Variants in CORIN observed in about 807,000 individuals in gnomAD.
CORIN encodes the protein corin, serine peptidase.
In CORIN, 117 loss-of-function variants were observed where a neutral mutation model predicts 125.3. The observed-to-expected ratio is 0.93, with a 90% CI of 0.80 to 1.09. The LOEUF (loss-of-function observed/expected upper bound fraction) is 1.09, where lower values mean the gene tolerates loss of function less well. Ranked by LOEUF, CORIN falls within the 50% of genes least tolerant of loss-of-function variation. CORIN has a pLI of 0.00. For missense variants in CORIN, 1,253 were observed against 1,306.7 expected (o/e 0.96, Z 0.63); for synonymous variants, 450 against 466.4 (o/e 0.96, Z 0.45).
intron 21 of CORIN, among the ~76,000 whole-genome samples, chr4:47,598,733 T>C (rs1721341737): frequency 6.6e-6 from 1 of 152,228 alleles, no homozygotes; most frequent in Non-Finnish European, 1.5e-5. Context: ...ACCTCCTGTA[T>C]TCTTGATCTG....
chr4:47,748,084 G>A (rs565004254), intron 4 of CORIN, among the ~76,000 whole-genome samples: 2 of 152,296 alleles, frequency 1.3e-5, no homozygotes, highest in African/African-American at 4.8e-5. Context: ...GTAACCAACT[G>A]AGACCCATAA....
intron 1 of CORIN, among the ~76,000 whole-genome samples, chr4:47,822,820 C>CT (rs1359423811): frequency 0.048 from 6,825 of 142,628 alleles, 510 homozygotes; most frequent in African/African-American, 0.16. Flanking sequence ...CTTTCCATTT[C>CT]TTTTTTTTTT....
At chr4:47,770,350 A>T (rs1729967474) in intron 3 of CORIN, among the ~76,000 whole-genome samples, 1 of 152,138 alleles carries the variant, frequency 6.6e-6, no homozygotes, top group Non-Finnish European at 1.5e-5. Context: ...AACAAAAATT[A>T]AAAAATGAAA....
chr4:47,782,886 G>A (rs1440022790), intron 3 of CORIN, among the ~76,000 whole-genome samples: 1 of 151,508 alleles, frequency 6.6e-6, no homozygotes, highest in African/African-American at 2.4e-5. Context: ...TTTTGGCCAG[G>A]AGCTGAGGGA....
In CORIN at chr4:47,674,377, CA is replaced by C. The variant is rs1724914690; in HGVS notation, c.1357+15del. 3 of 1,534,294 alleles carry C rather than the reference CA, an allele frequency of 2.0e-6. No homozygotes were observed. The South Asian group carries it at 3.4e-5, about 17-fold the overall frequency. On this transcript the variant is annotated intron_variant, in intron 10 of 21. Transcript: ENST00000273857. ...GCCCTGACATGGCTATTGCATTTGT[CA>C]GCTGTTGTACTTACTACAGTTATTC...
chr4:47,703,257 C>A (rs1726392717), intron 5 of CORIN, among the ~76,000 whole-genome samples: 1 of 152,170 alleles, frequency 6.6e-6, no homozygotes, highest in South Asian at 2.1e-4. Flanking sequence ...CCGGTAGTGA[C>A]AGCACATATT....
intron 5 of CORIN, among the ~76,000 whole-genome samples, chr4:47,714,546 A>G (rs1727002893): frequency 6.6e-6 from 1 of 152,230 alleles, no homozygotes; most frequent in South Asian, 2.1e-4. Flanking sequence ...TGTCCAATTC[A>G]GAGTTAACCT....
intron 5 of CORIN, among the ~76,000 whole-genome samples, chr4:47,737,602 A>G (rs1560526594): frequency 6.6e-6 from 1 of 152,198 alleles, no homozygotes. Flanking sequence ...CCTGGATCAT[A>G]TTTCAACTCC....
chr4:47,782,605 A>G (rs1015034349), intron 3 of CORIN, among the ~76,000 whole-genome samples: 1 of 152,212 alleles, frequency 6.6e-6, no homozygotes, highest in Non-Finnish European at 1.5e-5. Flanking sequence ...TATTCACAGA[A>G]GCATTATTGA....
chr4:47,830,373 A>G (rs1732928859), intron 1 of CORIN, among the ~76,000 whole-genome samples: 1 of 152,210 alleles, frequency 6.6e-6, no homozygotes, highest in Admixed American at 6.5e-5. Flanking sequence ...AAAAGGCACC[A>G]GGTTCTGAAA....
intron 5 of CORIN, among the ~76,000 whole-genome samples, chr4:47,721,676 C>T (rs1213130540): frequency 1.3e-5 from 2 of 152,166 alleles, no homozygotes; most frequent in Non-Finnish European, 1.5e-5. Flanking sequence ...GATGCAAACA[C>T]GCAGTTCATC....
intron 1 of CORIN, among the ~76,000 whole-genome samples, chr4:47,833,059 T>C (rs1272625279): frequency 6.6e-6 from 1 of 151,856 alleles, no homozygotes; most frequent in African/African-American, 2.4e-5. Context: ...AAGTCTAGGA[T>C]GAGACTGGAT....
At chr4:47,765,313 A>C (rs6829640) in intron 3 of CORIN, among the ~76,000 whole-genome samples, 125,462 of 142,318 alleles carry the variant, frequency 0.88, 55,099 homozygotes, top group East Asian at 0.97. Flanking sequence ...TCCGTCCCCC[A>C]AAAAAAAAAA....
chr4:47,813,889 A>G (rs1732157846), intron 1 of CORIN, among the ~76,000 whole-genome samples: 1 of 152,206 alleles, frequency 6.6e-6, no homozygotes, highest in Non-Finnish European at 1.5e-5. Flanking sequence ...GAAGTTTCTG[A>G]TATTACCAAG....
At chr4:47,658,263 T>A (rs189713634) in intron 12 of CORIN, among the ~76,000 whole-genome samples, 1 of 152,212 alleles carries the variant, frequency 6.6e-6, no homozygotes, top group Non-Finnish European at 1.5e-5. Context: ...AATAATCTCC[T>A]TGGACTCCAT....
At chr4:47,683,997 C>T (rs28545806) in intron 6 of CORIN, among the ~76,000 whole-genome samples, 159 bp from the exon 7 acceptor site, 7,542 of 152,268 alleles carry the variant, frequency 0.05, 615 homozygotes, top group African/African-American at 0.17. Flanking sequence ...AGAGATACAA[C>T]GACCTGTTCA....
chr4:47,635,354 A>G (rs1487418976), intron 16 of CORIN, among the ~76,000 whole-genome samples: 1 of 152,242 alleles, frequency 6.6e-6, no homozygotes, highest in African/African-American at 2.4e-5. Context: ...GGAATAAGAC[A>G]AAATAACCAA....
intron 2 of CORIN, among the ~76,000 whole-genome samples, chr4:47,790,524 T>C (rs934891078): frequency 1.3e-5 from 2 of 152,198 alleles, no homozygotes; most frequent in African/African-American, 4.8e-5. Flanking sequence ...GTGAGCCTAA[T>C]CTTTCATGGC....
Position 47,604,079 on chromosome 4 carries a change from T to C in CORIN, c.2541-411A>G, listed in dbSNP as rs147945295. ...GACTTGAAGAAATGCCAGGGGAACC[T>C]CCTACAGATTTCCAGCTCAGGGCTT... On this transcript the variant is annotated intron_variant, in intron 19 of 21. Transcript: ENST00000273857. Among the ~76,000 whole-genome samples the C allele has an allele frequency of 2.2e-3, 335 of 152,330 alleles. 3 individuals carry two copies. The highest frequency in any genetic ancestry group is 7.8e-3 in the African/African-American group (323 of 41,568).
Sources: allele counts gnomAD v4.1 joint callset (sites outside exome capture counted in the v4.1 genomes callset), GRCh38; gene constraint gnomAD v4.1.1; transcripts MANE v1.5; gene names NCBI Gene and HGNC (gene_info 2026-07-23, HGNC 2026-07-21).